ZNF469: variants seen among roughly 807,000 people sequenced by gnomAD.
ZNF469 encodes zinc finger protein 469.
ZNF469 carries 1 observed loss-of-function variant against 1.0 expected under a neutral mutation model. The observed-to-expected ratio is 1.00, with a 90% CI of 0.35 to 4.73. The LOEUF (loss-of-function observed/expected upper bound fraction) is 4.73. Among genes scored for constraint, ZNF469 ranks in the 30% most tolerant of loss-of-function variants. The pLI is 0.16. For synonymous variants in ZNF469, 2,703 were observed against 2,363.4 expected, an observed-to-expected ratio of 1.14 and a Z score of -4.17; for missense variants, 6,100 against 5,356.3, an observed-to-expected ratio of 1.14 and a Z score of -4.33.
chr16:88,171,851 C>A, the ZNF469 span, among the ~76,000 whole-genome samples: 2 of 152,170 alleles, frequency 1.3e-5, no homozygotes, highest in Admixed American at 1.3e-4. Context: ...TTCAAAAAAA[C>A]TCAAAATTTT....
Position 88,434,554 on chromosome 16 carries a change from TC to T in ZNF469, c.7089del (p.Ala2364ProfsTer109). The T allele has an allele frequency of 6.5e-7, 1 of 1,550,098 alleles. No homozygotes were observed. Among genetic ancestry groups the T allele is most frequent in the Non-Finnish European group, 8.7e-7 (1 of 1,146,890 alleles). On this transcript the variant is annotated frameshift_variant, in exon 3 of 3. Coordinates refer to ENST00000565624, the MANE Select transcript of ZNF469 (RefSeq NM_001367624.2). LOFTEE classifies it low-confidence loss of function (END_TRUNC). Reference sequence around the variant, plus strand: ...CACGCTACAGGGTGCAGGGCCGGACTCCCCCGCCTGCCTGGAAGGTGAGATG... The same window carrying T: ...CACGCTACAGGGTGCAGGGCCGGACTCCCCGCCTGCCTGGAAGGTGAGATG... The part of the protein sequence containing the change: ...PPTLQGAGPD[S>X]PACLEGEMGT...
rs547492890 is a variant in ZNF469, at chr16:88,434,936, G to A, written c.7466G>A (p.Arg2489Gln). 5.6e-4 allele frequency: 872 copies of A among 1,550,110 alleles called. 4 individuals are homozygous for A. The highest frequency in any genetic ancestry group is 2.6e-4 in the Non-Finnish European group (293 of 1,146,954). The change falls in exon 3 of 3, where the codon CGG (arginine) becomes CAG (glutamine). Residue 2489 changes from arginine to glutamine, a missense_variant. Coordinates refer to ENST00000565624, the MANE Select transcript of ZNF469 (RefSeq NM_001367624.2). ...ASFRSGPGLS[R>Q]HKARKHRPHP... Reference sequence around the variant, plus strand: ...TTCCGCTCCGGGCCGGGCCTGAGCCGGCACAAGGCCAGGAAGCACCGGCCA... The same window carrying A: ...TTCCGCTCCGGGCCGGGCCTGAGCCAGCACAAGGCCAGGAAGCACCGGCCA...
chr16:88,349,091 G>A, the ZNF469 span, among the ~76,000 whole-genome samples: 1 of 152,156 alleles, frequency 6.6e-6, no homozygotes, highest in African/African-American at 2.4e-5. Flanking sequence ...CATGGCTCTG[G>A]GCGGGAGGCA....
the ZNF469 span, among the ~76,000 whole-genome samples, chr16:88,184,126 C>G: frequency 6.6e-6 from 1 of 152,000 alleles, no homozygotes; most frequent in South Asian, 2.1e-4. Context: ...CTGTGGCCCC[C>G]GTGTAAACAG....
chr16:88,187,772 A>G, the ZNF469 span, among the ~76,000 whole-genome samples: 5 of 149,920 alleles, frequency 3.3e-5, no homozygotes, highest in Non-Finnish European at 7.4e-5. Context: ...ATGCTGTATT[A>G]AAATGCAGTG....
At position 88,427,827 on chromosome 16, in the gene ZNF469, C is replaced by T; in HGVS notation, c.357C>T (p.Arg119=). 1 of 1,548,812 alleles carries T rather than the reference C, an allele frequency of 6.5e-7. No individual in the cohort carries two copies. The highest frequency in any genetic ancestry group is 8.7e-7 in the Non-Finnish European group (1 of 1,146,826). ...AGRAEGSPPQ[R]YILGIASSRT... is the part of the protein sequence containing the mutation. The stretch of plus-strand genomic sequence containing the variant: ...GGGCAGAGGGCAGCCCCCCACAGCG[C>T]TACATTCTGGGCATCGCCAGCTCGA... The change falls in exon 3 of 3, where the codon CGC becomes CGT. Residue 119 remains arginine (R), a synonymous_variant. Transcript: ENST00000565624.
In ZNF469 at chr16:88,438,163, G is replaced by T; in HGVS notation, c.10693G>T (p.Gly3565Cys). Reference protein sequence around the residue: ...LSPFPAALADGRGDCALDGAL... With the variant: ...LSPFPAALADCRGDCALDGAL... ...TCCCTTCCCAGCTGCCTTGGCTGAT[G>T]GCAGAGGAGACTGCGCGCTGGACGG... The change falls in exon 3 of 3, where the codon GGC becomes TGC. Residue 3565 changes from glycine (G) to cysteine (C), a missense_variant. Physicochemically the swap from Gly to Cys is radical, Grantham distance 159 (BLOSUM62 -3). Transcript: ENST00000565624. The T allele has an allele frequency of 6.5e-7, 1 of 1,550,084 alleles. No individual in the cohort carries two copies.
chr16:88,186,814 C>T, the ZNF469 span, among the ~76,000 whole-genome samples: 2 of 152,148 alleles, frequency 1.3e-5, no homozygotes, highest in Admixed American at 6.5e-5. Flanking sequence ...AGGGTTCTGG[C>T]GGGGCGGGGG....
At chr16:88,110,690 G>T in the ZNF469 span, among the ~76,000 whole-genome samples, 5 of 152,240 alleles carry the variant, frequency 3.3e-5, no homozygotes, top group African/African-American at 1.2e-4. Context: ...GTCTTAAAGT[G>T]TCTTCTCTAG....
the ZNF469 span, among the ~76,000 whole-genome samples, chr16:88,172,369 A>G: frequency 1.3e-5 from 2 of 152,344 alleles, no homozygotes; most frequent in South Asian, 2.1e-4. Context: ...AGACTATATA[A>G]TATGAAAATC....
At chr16:88,184,703 C>T in the ZNF469 span, among the ~76,000 whole-genome samples, 2 of 151,778 alleles carry the variant, frequency 1.3e-5, no homozygotes, top group Admixed American at 6.6e-5. Flanking sequence ...CACGGCTGCA[C>T]GGCCGGCGTC....
the ZNF469 span, among the ~76,000 whole-genome samples, chr16:88,333,994 G>A: frequency 6.7e-6 from 1 of 149,420 alleles, no homozygotes; most frequent in Admixed American, 6.6e-5. Flanking sequence ...ATCTGTGTGT[G>A]TCTGTGTCTA....
the ZNF469 span, among the ~76,000 whole-genome samples, chr16:88,340,653 G>A: frequency 7.9e-5 from 12 of 152,242 alleles, no homozygotes; most frequent in South Asian, 1.7e-3. Flanking sequence ...AGTGCAGGGC[G>A]GCGCAGCTTA....
At chr16:88,114,309 G>A in the ZNF469 span, among the ~76,000 whole-genome samples, 3 of 146,216 alleles carry the variant, frequency 2.1e-5, no homozygotes, top group African/African-American at 2.6e-5. Flanking sequence ...GGGGGTCTTC[G>A]GGGGGAATGA....
At chr16:88,291,010 T>G in the ZNF469 span, among the ~76,000 whole-genome samples, 2 of 152,122 alleles carry the variant, frequency 1.3e-5, no homozygotes, top group African/African-American at 4.8e-5. Flanking sequence ...TCCTGCCACA[T>G]GGGGTATCTG....
chr16:88,283,774 G>A, the ZNF469 span, among the ~76,000 whole-genome samples: 1 of 152,180 alleles, frequency 6.6e-6, no homozygotes, highest in East Asian at 1.9e-4. Flanking sequence ...TCTGCCCGAG[G>A]TCTGCGGAGG....
At chr16:88,350,108 C>T in the ZNF469 span, among the ~76,000 whole-genome samples, 1 of 152,184 alleles carries the variant, frequency 6.6e-6, no homozygotes, top group Non-Finnish European at 1.5e-5. Context: ...CCTCCCGCCC[C>T]CCTTGGGGCG....
chr16:88,398,143 G>A (rs1286680047), intron 1 of ZNF469, among the ~76,000 whole-genome samples: 1 of 152,248 alleles, frequency 6.6e-6, no homozygotes, highest in Non-Finnish European at 1.5e-5. Flanking sequence ...CCCTGCTGTG[G>A]TGTCAGAAGT....
intron 1 of ZNF469, among the ~76,000 whole-genome samples, chr16:88,422,082 T>TGGATAGGTGGGTAATGGATG: frequency 6.8e-6 from 1 of 146,758 alleles, no homozygotes; most frequent in African/African-American, 2.6e-5. Flanking sequence ...GACGGGTGGC[T>TGGATAGGTGGGTAATGGATG]GACTGGGTGG....
Sources: gnomAD v4.1 joint callset for allele counts (sites outside exome capture counted in the v4.1 genomes callset) on GRCh38, gnomAD v4.1.1 for gene constraint, MANE v1.5 for transcripts, NCBI Gene and HGNC (gene_info 2026-07-23, HGNC 2026-07-21) for gene names.